DENND2B: variants seen among roughly 807,000 people sequenced by gnomAD.
DENND2B encodes DENN domain containing 2B.
In DENND2B, 32 loss-of-function variants were observed where a neutral mutation model predicts 116.0. That is an observed-to-expected ratio of 0.28 (90% confidence interval 0.21 to 0.37). The LOEUF (loss-of-function observed/expected upper bound fraction) is 0.37, where lower values mean the gene tolerates loss of function less well. DENND2B is among the 10% of genes least tolerant of loss of function. The pLI is 1.00. For synonymous variants in DENND2B, 588 were observed against 583.9 expected (o/e 1.01, Z -0.10); for missense variants, 1,276 against 1,477.7 (o/e 0.86, Z 2.24).
Position 8,730,302 on chromosome 11 carries a change from C to T in DENND2B, c.988G>A (p.Ala330Thr), listed in dbSNP as rs907726197. ...GCCCGGCTGCCAGCGCTCACACTCG[C>T]GCCCCCTGCCGGCTCCTCCAAGGAG... The part of the protein sequence containing the change: ...LGSLEEPAGG[A>T]SVSAGSRAVG... Residue 330 changes from alanine to threonine, a missense_variant, in exon 3 of 20, where the codon GCG becomes ACG. Transcript: ENST00000313726. The surrounding 1 kb of genome is among the most constrained non-coding windows in gnomAD (Gnocchi z 4.1). 2.5e-6 allele frequency: 4 copies of T among 1,603,282 alleles called. No individual in the cohort carries two copies. The highest frequency in any genetic ancestry group is 3.4e-6 in the Non-Finnish European group (4 of 1,177,500).
At chr11:8,764,804 G>T (rs2055330207) in intron 1 of DENND2B, among the ~76,000 whole-genome samples, 2 of 152,014 alleles carry the variant, frequency 1.3e-5, no homozygotes, top group African/African-American at 4.8e-5. Flanking sequence ...AATTAGCTGG[G>T]CGTTGTGGTG....
rs913567967 is a variant in DENND2B at position 8,803,302 on chromosome 11, T to C, written c.-26+7215A>G. Among the ~76,000 whole-genome samples the C allele has an allele frequency of 5.3e-5, 8 of 152,278 alleles. 1 individual carries two copies. The South Asian group carries it at 1.5e-3, about 28-fold the overall frequency. On this transcript the variant is annotated intron_variant, in intron 1 of 19. Coordinates refer to ENST00000313726, the MANE Select transcript of DENND2B (RefSeq NM_213618.2). ...GGGGAGGCTGAGGCAGGAGAATCGC[T>C]AGAACCCGGGAGGTGGAGGCTGCAG...
At chr11:8,873,761 A>G (rs979633382), upstream of DENND2B, among the ~76,000 whole-genome samples, 6 of 152,222 alleles carry the variant, frequency 3.9e-5, no homozygotes, top group African/African-American at 1.2e-4. Context: ...CACAGTAAAT[A>G]TATGCTGTCT....
chr11:8,792,989 A>T (rs1018989618), intron 1 of DENND2B, among the ~76,000 whole-genome samples: 2 of 152,230 alleles, frequency 1.3e-5, no homozygotes, highest in African/African-American at 2.4e-5. Flanking sequence ...ACTGCTGTTC[A>T]TTACAGTACT....
At chr11:8,891,936 A>G (rs1319533129) in intron 1 of DENND2B, among the ~76,000 whole-genome samples, 1 of 152,204 alleles carries the variant, frequency 6.6e-6, no homozygotes, top group African/African-American at 2.4e-5. Context: ...AACAGAATAT[A>G]CTTTCTTCTC....
At chr11:8,728,978 C>T (rs1043767204) in intron 3 of DENND2B, among the ~76,000 whole-genome samples, 3 of 152,110 alleles carry the variant, frequency 2.0e-5, no homozygotes, top group African/African-American at 4.8e-5. Flanking sequence ...GACTCAAACA[C>T]GGGATTACCC....
At chr11:8,754,024 A>AGCGCGCGCGC (rs553192314) in intron 1 of DENND2B, among the ~76,000 whole-genome samples, 8 of 142,766 alleles carry the variant, frequency 5.6e-5, no homozygotes, top group African/African-American at 2.1e-4. Context: ...TAACACCAAA[A>AGCGCGCGCGC]GCGCGCACAC....
intron 1 of DENND2B, among the ~76,000 whole-genome samples, chr11:8,781,092 G>A (rs191890423): frequency 2.6e-5 from 4 of 152,310 alleles, no homozygotes; most frequent in East Asian, 1.9e-4. Flanking sequence ...AAAGGTACCC[G>A]AAGAGGAATA....
At chr11:8,823,118 T>G (rs763675418) in intron 4 of DENND2B, among the ~76,000 whole-genome samples, 3 of 151,920 alleles carry the variant, frequency 2.0e-5, no homozygotes, top group Admixed American at 6.6e-5. Context: ...AAAAGTAATA[T>G]CCATACATAT....
At chr11:8,708,952 CAAAA>C (rs10569712) in intron 11 of DENND2B, among the ~76,000 whole-genome samples, 2 of 136,484 alleles carry the variant, frequency 1.5e-5, no homozygotes, top group Non-Finnish European at 1.6e-5. Flanking sequence ...AACTCTGTCT[CAAAA>C]AAAAAAAAAA....
chr11:8,704,389 A>G (rs2042229033), intron 13 of DENND2B, among the ~76,000 whole-genome samples: 1 of 152,244 alleles, frequency 6.6e-6, no homozygotes, highest in Non-Finnish European at 1.5e-5. Context: ...GTATCAAGTC[A>G]GAAGACGAGA....
chr11:8,886,763 T>A (rs1326882249), intron 1 of DENND2B, among the ~76,000 whole-genome samples: 2 of 152,074 alleles, frequency 1.3e-5, no homozygotes, highest in African/African-American at 4.8e-5. Flanking sequence ...TCTGTTGGAT[T>A]TTTGCAGTAA....
rs372757588 is a variant in DENND2B, at chr11:8,707,866, CAAG to C, written c.2353-15_2353-13del. ...CCTTTCCCACTTGGCTGGGCCAGGA[CAAG>C]GAGGAGGAGGAGAGAGACAGACACA... On this transcript the variant is annotated splice_polypyrimidine_tract_variant and intron_variant, in intron 11 of 19. Coordinates refer to ENST00000313726, the MANE Select transcript of DENND2B (RefSeq NM_213618.2). The surrounding 1 kb of genome is among the most constrained non-coding windows in gnomAD (Gnocchi z 4.8). 19 of 1,604,974 alleles carry C rather than the reference CAAG, an allele frequency of 1.2e-5. No homozygotes were observed. Among genetic ancestry groups the C allele is most frequent in the East Asian group, 4.5e-5 (2 of 44,660 alleles).
At chr11:8,849,778 G>GC (rs1010055604) in intron 3 of DENND2B, among the ~76,000 whole-genome samples, 1 of 148,584 alleles carries the variant, frequency 6.7e-6, no homozygotes, top group African/African-American at 2.5e-5. Flanking sequence ...AGCTGAGATC[G>GC]CCCCACTGTA....
At chr11:8,893,805 G>A (rs2064063883) in intron 1 of DENND2B, among the ~76,000 whole-genome samples, 1 of 152,076 alleles carries the variant, frequency 6.6e-6, no homozygotes, top group Non-Finnish European at 1.5e-5. Flanking sequence ...TCAATATTGT[G>A]AAAATGGCCA....
At chr11:8,717,696 TG>T in intron 5 of DENND2B, 44 bp downstream of exon 5, 24 of 1,487,854 alleles carry the variant, frequency 1.6e-5, no homozygotes, top group Non-Finnish European at 2.0e-5. Context: ...GCCCCCACTG[TG>T]GCCCTCACGC....
chr11:8,694,225 G>A lies in DENND2B; in HGVS notation c.3380-95C>T. Reference sequence around the variant, plus strand: ...TGTAGCCCTAACCCTGTCAGTGGGAGAGGAAGGATTAGGAAGACTGGATTA... The same window carrying A: ...TGTAGCCCTAACCCTGTCAGTGGGAAAGGAAGGATTAGGAAGACTGGATTA... On this transcript the variant is annotated intron_variant, in intron 19 of 19. Coordinates refer to ENST00000313726, the MANE Select transcript of DENND2B (RefSeq NM_213618.2). The A allele has an allele frequency of 4.2e-6, 6 of 1,435,538 alleles. No homozygotes were observed. In the South Asian group the frequency reaches 6.0e-5, roughly 14 times the overall value. 88.9% of individuals were successfully genotyped at this position (1,435,538 alleles called of 1,614,324 possible). A position where few individuals can be genotyped will look rare whatever the true frequency, so the allele number is the denominator to read the frequency against.
chr11:8,736,759 A>C (rs140903835), intron 2 of DENND2B, among the ~76,000 whole-genome samples: 2 of 152,326 alleles, frequency 1.3e-5, no homozygotes, highest in African/African-American at 4.8e-5. Context: ...GGAGGGAAAC[A>C]ATGAAGTGTG....
At chr11:8,701,241 A>T (rs1170938588) in intron 14 of DENND2B, among the ~76,000 whole-genome samples, 1 of 151,168 alleles carries the variant, frequency 6.6e-6, no homozygotes, top group Admixed American at 6.6e-5. Flanking sequence ...CCTTGCCCCT[A>T]CAGGTGCCTA....
Sources: allele counts gnomAD v4.1 joint callset (sites outside exome capture counted in the v4.1 genomes callset), GRCh38; gene constraint gnomAD v4.1.1; non-coding constraint Gnocchi (gnomAD v3.1); transcripts MANE v1.5; gene names NCBI Gene and HGNC (gene_info 2026-07-23, HGNC 2026-07-21).